The following CDH13 variants were observed in gnomAD, a reference collection of about 807,000 sequenced individuals.
CDH13 encodes cadherin 13.
Under a neutral mutation model 63.8 loss-of-function variants are expected in CDH13, and 24 were observed. That is an observed-to-expected ratio of 0.38 (90% CI 0.27 to 0.53). The LOEUF (loss-of-function observed/expected upper bound fraction) is 0.53. Ranked by LOEUF, CDH13 falls within the 20% of genes least tolerant of loss-of-function variation. The pLI is 0.85. For missense variants in CDH13, 1,049 were observed against 903.1 expected, an observed-to-expected ratio of 1.16 and a Z score of -2.07; for synonymous variants, 503 against 355.3, an observed-to-expected ratio of 1.42 and a Z score of -4.67.
chr16:83,023,204 G>A (rs940318488), intron 2 of CDH13: 3 of 152,164 alleles, frequency 2.0e-5, no homozygotes, highest in South Asian at 2.1e-4. Context: ...AAGCCCAGGG[G>A]ACATTTTGAG....
intron 6 of CDH13, among the ~76,000 whole-genome samples, chr16:83,356,841 C>G (rs1187740925): frequency 6.6e-6 from 1 of 152,100 alleles, no homozygotes; most frequent in African/African-American, 2.4e-5. Flanking sequence ...AGCTTTCTTG[C>G]TTTAATTATG....
chr16:83,505,047 G>C (rs1299267291), intron 7 of CDH13, among the ~76,000 whole-genome samples: 1 of 152,292 alleles, frequency 6.6e-6, no homozygotes, highest in Admixed American at 6.5e-5. Context: ...TAGTCAGCCA[G>C]CTGTGGCACC....
chr16:83,050,754 C>T (rs764044097), intron 3 of CDH13, among the ~76,000 whole-genome samples: 9 of 152,100 alleles, frequency 5.9e-5, no homozygotes, highest in South Asian at 2.1e-4. Flanking sequence ...TGTTTCTGAA[C>T]GCTCATACTG....
chr16:82,780,265 C>G (rs996584708), intron 1 of CDH13, among the ~76,000 whole-genome samples: 3 of 152,150 alleles, frequency 2.0e-5, no homozygotes, highest in East Asian at 1.9e-4. Flanking sequence ...TCTCCACTCT[C>G]CCTACAAAAA....
chr16:83,712,884 G>C (rs538851051), intron 10 of CDH13, among the ~76,000 whole-genome samples: 8 of 152,270 alleles, frequency 5.3e-5, no homozygotes, highest in South Asian at 2.1e-4. Context: ...TAAGTTTGTT[G>C]GTACATCACC....
intron 1 of CDH13, among the ~76,000 whole-genome samples, chr16:82,643,050 G>C (rs1020147784): frequency 6.6e-6 from 1 of 152,196 alleles, no homozygotes; most frequent in Admixed American, 6.5e-5. Flanking sequence ...AGGGCTGGGG[G>C]CAGGAGGAAA....
At position 83,072,468 on chromosome 16, in the gene CDH13, T is replaced by C. The variant is rs114758627; in HGVS notation, c.366+40250T>C. Among the ~76,000 whole-genome samples, 811 of 152,306 alleles carry C rather than the reference T, an allele frequency of 5.3e-3. 10 individuals are homozygous for C. Among genetic ancestry groups the C allele is most frequent in the African/African-American group, 0.018 (749 of 41,558 alleles). On this transcript the variant is annotated intron_variant, in intron 3 of 13. Coordinates refer to ENST00000567109, the MANE Select transcript of CDH13 (RefSeq NM_001257.5). ...AACTCACCATTGGGTACCTCTTATA[T>C]GGAAAATCATTAGAAATGCCTGTCC... is the stretch of plus-strand genomic sequence containing the variant.
At chr16:83,319,988 C>A (rs939427826) in intron 5 of CDH13, among the ~76,000 whole-genome samples, 10 of 152,184 alleles carry the variant, frequency 6.6e-5, no homozygotes, top group African/African-American at 2.4e-4. Context: ...TAGGATTATT[C>A]TGCAGCACGT....
intron 1 of CDH13, among the ~76,000 whole-genome samples, chr16:82,762,455 TA>T (rs1427668110): frequency 6.6e-6 from 1 of 152,220 alleles, no homozygotes; most frequent in Non-Finnish European, 1.5e-5. Context: ...AGAGTATTAA[TA>T]GAAAATGTAT....
intron 3 of CDH13, among the ~76,000 whole-genome samples, chr16:83,052,014 G>C (rs2030392291): frequency 6.6e-6 from 1 of 151,976 alleles, no homozygotes. Context: ...TTCAGATATT[G>C]TAAGAGAAGG....
At chr16:82,999,046 G>A (rs555861347) in intron 2 of CDH13, among the ~76,000 whole-genome samples, 4 of 152,030 alleles carry the variant, frequency 2.6e-5, no homozygotes, top group South Asian at 2.1e-4. Context: ...ATTCTTCCAC[G>A]TTCCATCAGC....
intron 6 of CDH13, among the ~76,000 whole-genome samples, chr16:83,361,013 A>G (rs1043434293): frequency 1.3e-5 from 2 of 152,188 alleles, no homozygotes; most frequent in Non-Finnish European, 2.9e-5. Context: ...AAATTGCCAA[A>G]CTGCTTTCCA....
rs373284211 is a variant in CDH13, at chr16:83,795,041, C to G, written c.*11C>G. On this transcript the variant is annotated 3_prime_UTR_variant, in exon 14 of 14. Coordinates refer to ENST00000567109, the MANE Select transcript of CDH13 (RefSeq NM_001257.5). ...TATTCAGGTCTGTGAGAACTCCTGA[C>G]GTCTGAAGCTTGACTCCCAAGTTTC... 3 of 1,587,894 alleles carry G rather than the reference C, an allele frequency of 1.9e-6. No individual in the cohort carries two copies. Among genetic ancestry groups the G allele is most frequent in the South Asian group, 1.2e-5 (1 of 86,150 alleles).
At chr16:83,084,802 C>A (rs1235302188) in intron 3 of CDH13, among the ~76,000 whole-genome samples, 1 of 152,118 alleles carries the variant, frequency 6.6e-6, no homozygotes, top group Non-Finnish European at 1.5e-5. Context: ...GCAGGAGAAT[C>A]CCTTGAACCC....
chr16:83,252,804 C>T (rs1272214062), intron 5 of CDH13, among the ~76,000 whole-genome samples: 2 of 152,062 alleles, frequency 1.3e-5, no homozygotes, highest in African/African-American at 4.8e-5. Context: ...CCCCCCACCC[C>T]AATAAGGAAT....
rs774683554 is a variant in CDH13 at position 83,795,023 on chromosome 16, G to A, written c.2135G>A (p.Cys712Tyr). 3.8e-6 allele frequency: 6 copies of A among 1,594,626 alleles called. No individual in the cohort carries two copies. The highest frequency in any genetic ancestry group is 5.1e-6 in the Non-Finnish European group (6 of 1,170,230). Reference sequence around the variant, plus strand: ...TTAACTCTGAACCCTCTCTATTCAGGTCTGTGAGAACTCCTGACGTCTGAA... The same window carrying A: ...TTAACTCTGAACCCTCTCTATTCAGATCTGTGAGAACTCCTGACGTCTGAA... ...VLLLSLFSLACL is the reference protein window; with the variant it reads ...VLLLSLFSLAYL Residue 712 changes from cysteine to tyrosine, a missense_variant and splice_region_variant, in exon 14 of 14, where the codon TGT becomes TAT. Transcript: ENST00000567109.
intron 3 of CDH13, among the ~76,000 whole-genome samples, chr16:83,119,666 C>G (rs1438060629): frequency 6.6e-6 from 1 of 152,214 alleles, no homozygotes; most frequent in Non-Finnish European, 1.5e-5. Context: ...GGCACCCTCA[C>G]AGGCTTCATG....
At chr16:83,356,459 C>T (rs567509347) in intron 6 of CDH13, among the ~76,000 whole-genome samples, 3 of 152,206 alleles carry the variant, frequency 2.0e-5, no homozygotes, top group African/African-American at 7.2e-5. Flanking sequence ...ATCCATCAGT[C>T]AAGACAGGCC....
chr16:83,116,459 C>G (rs5008766), intron 3 of CDH13, among the ~76,000 whole-genome samples: 26,368 of 152,198 alleles, frequency 0.17, 3,122 homozygotes, highest in African/African-American at 0.34. Flanking sequence ...GACCTTGACA[C>G]ACTCCTGACC....
Sources: gnomAD v4.1 joint callset for allele counts (sites outside exome capture counted in the v4.1 genomes callset) on GRCh38, gnomAD v4.1.1 for gene constraint, MANE v1.5 for transcripts, NCBI Gene and HGNC (gene_info 2026-07-23, HGNC 2026-07-21) for gene names.